Variants in LYRM4 observed in about 807,000 individuals in gnomAD.
LYRM4 encodes the protein LYR motif-containing protein 4.
Under a neutral mutation model 11.7 loss-of-function variants are expected in LYRM4, and 9 were observed. That is an observed-to-expected ratio of 0.77 (90% CI 0.46 to 1.34). The LOEUF is 1.34. LYRM4 is among the 40% of genes most tolerant of loss of function. The pLI is 0.00. For missense variants in LYRM4, 133 were observed against 112.5 expected (o/e 1.18, Z -0.82); for synonymous variants, 42 against 40.4 (o/e 1.04, Z -0.15).
At chr6:5,172,727 G>T (rs569002978) in intron 2 of LYRM4, among the ~76,000 whole-genome samples, 11 of 152,150 alleles carry the variant, frequency 7.2e-5, no homozygotes, top group Non-Finnish European at 1.3e-4. Flanking sequence ...AAACCCTGAT[G>T]TTTGCATTAA....
intron 2 of LYRM4, among the ~76,000 whole-genome samples, chr6:5,149,745 T>C (rs745462791): frequency 7.9e-5 from 12 of 152,140 alleles, no homozygotes; most frequent in Non-Finnish European, 1.2e-4. Context: ...CCAAATTATA[T>C]ATACATTATT....
chr6:5,242,916 G>A (rs1306126018), intron 1 of LYRM4, among the ~76,000 whole-genome samples: 1 of 151,184 alleles, frequency 6.6e-6, no homozygotes, highest in East Asian at 2.0e-4. Context: ...TGGGACTACA[G>A]GCGCCCGCCA....
At chr6:5,213,481 A>T (rs1329032981) in intron 2 of LYRM4, among the ~76,000 whole-genome samples, 1 of 152,306 alleles carries the variant, frequency 6.6e-6, no homozygotes. Context: ...GGCAGCTGGA[A>T]AAGTGGCTGT....
the LYRM4 span, among the ~76,000 whole-genome samples, chr6:5,090,036 ACACAC>A: frequency 4.7e-5 from 7 of 147,622 alleles, 1 homozygote; most frequent in East Asian, 4.2e-4. The surrounding 1 kb of genome is among the most constrained non-coding windows in gnomAD (Gnocchi z 4.8). Flanking sequence ...ACACACACAC[ACACAC>A]CACACACACA....
chr6:5,194,388 A>C (rs1760935951), intron 2 of LYRM4, among the ~76,000 whole-genome samples: 1 of 152,130 alleles, frequency 6.6e-6, no homozygotes, highest in South Asian at 2.1e-4. Context: ...GTGAACAGGC[A>C]TACCCTGGTG....
chr6:5,102,382 A>C (rs1581270006), downstream of LYRM4, among the ~76,000 whole-genome samples: 1 of 152,186 alleles, frequency 6.6e-6, no homozygotes, highest in African/African-American at 2.4e-5. Flanking sequence ...ACACATGTGC[A>C]TGTAAATGAA....
chr6:5,162,801 A>T (rs1758844664), intron 2 of LYRM4, among the ~76,000 whole-genome samples: 1 of 152,248 alleles, frequency 6.6e-6, no homozygotes, highest in Admixed American at 6.5e-5. Flanking sequence ...AGAGTATTTG[A>T]ATAGTTGAAT....
intron 2 of LYRM4, among the ~76,000 whole-genome samples, chr6:5,169,842 T>C (rs1416626079): frequency 1.3e-5 from 2 of 152,188 alleles, no homozygotes; most frequent in Admixed American, 1.3e-4. Context: ...GAGGGACCCA[T>C]GACCAGTGTA....
the LYRM4 span, among the ~76,000 whole-genome samples, chr6:5,062,919 G>A: frequency 6.6e-6 from 1 of 152,160 alleles, no homozygotes; most frequent in East Asian, 1.9e-4. Flanking sequence ...GAAGGAGGAG[G>A]TCACACTGGC....
At chr6:5,096,143 G>T in the LYRM4 span, among the ~76,000 whole-genome samples, 5 of 152,130 alleles carry the variant, frequency 3.3e-5, no homozygotes, top group African/African-American at 1.2e-4. Flanking sequence ...GCAATTTCTT[G>T]TGAGTTTTAA....
chr6:5,248,335 T>C (rs181988536), intron 1 of LYRM4, among the ~76,000 whole-genome samples: 1 of 152,370 alleles, frequency 6.6e-6, no homozygotes, highest in Admixed American at 6.5e-5. Flanking sequence ...ACTAGGGCAA[T>C]GGCCTCCTGA....
intron 2 of LYRM4, among the ~76,000 whole-genome samples, chr6:5,115,349 C>T (rs1228139019): frequency 2.6e-5 from 4 of 152,216 alleles, no homozygotes; most frequent in African/African-American, 4.8e-5. Flanking sequence ...GCTTTGGCGG[C>T]ACACTTATCA....
intron 2 of LYRM4, among the ~76,000 whole-genome samples, chr6:5,120,698 G>T (rs923632897): frequency 6.6e-6 from 1 of 152,090 alleles, no homozygotes; most frequent in African/African-American, 2.4e-5. Flanking sequence ...TTTACAGGGT[G>T]CTGATTGGTC....
chr6:5,148,664 TCTC>T (rs1757917477), intron 2 of LYRM4, among the ~76,000 whole-genome samples: 2 of 13,974 alleles, frequency 1.4e-4, no homozygotes, highest in Admixed American at 1.2e-3. Flanking sequence ...CACACACACC[TCTC>T]TCTCTCTCTC....
chr6:5,032,486 AAATGTAC>A, the LYRM4 span: 1 of 152,232 alleles, frequency 6.6e-6, no homozygotes, highest in Non-Finnish European at 1.5e-5. Context: ...AAAATTTGTT[AAATGTAC>A]AATAAAAATA....
chr6:5,212,471 A>C (rs1762034324), intron 2 of LYRM4, among the ~76,000 whole-genome samples: 1 of 152,202 alleles, frequency 6.6e-6, no homozygotes, highest in South Asian at 2.1e-4. Context: ...CCAAGCCTAC[A>C]AACCACCCAG....
the LYRM4 span, among the ~76,000 whole-genome samples, chr6:5,051,795 A>G: frequency 2.6e-5 from 4 of 152,264 alleles, no homozygotes; most frequent in South Asian, 8.3e-4. Flanking sequence ...TTGGGCATCT[A>G]ACAAAGGCAT....
At chr6:5,188,600 A>T (rs1164356057) in intron 2 of LYRM4, among the ~76,000 whole-genome samples, 1 of 152,170 alleles carries the variant, frequency 6.6e-6, no homozygotes. Flanking sequence ...CTGGGTGTGA[A>T]ACTTGGCTCC....
chr6:5,218,491 T>C (rs1474805094), intron 1 of LYRM4: 2 of 533,100 alleles, frequency 3.8e-6, no homozygotes, highest in African/African-American at 4.1e-5. Context: ...TCAGGTCTAT[T>C]TGCATTTAAA....
Sources: allele counts gnomAD v4.1 joint callset (sites outside exome capture counted in the v4.1 genomes callset), GRCh38; gene constraint gnomAD v4.1.1; non-coding constraint Gnocchi (gnomAD v3.1); transcripts MANE v1.5; gene names NCBI Gene and HGNC (gene_info 2026-07-23, HGNC 2026-07-21).